NR2C1: variants seen among roughly 807,000 people sequenced by gnomAD.
NR2C1 encodes TR2 nuclear hormone receptor.
In NR2C1, 33 loss-of-function variants were observed where a neutral mutation model predicts 74.8. The observed-to-expected ratio is 0.44, with a 90% CI of 0.33 to 0.59. The LOEUF is 0.59. NR2C1 is among the 20% of genes least tolerant of loss of function. The pLI is 0.02. For missense variants in NR2C1, 568 were observed against 715.6 expected (o/e 0.79, Z 2.35); for synonymous variants, 225 against 240.6 (o/e 0.94, Z 0.60).
Position 95,062,490 on chromosome 12 carries a change from A to G in NR2C1, c.285+18T>C. Reference sequence around the variant, plus strand: ...TTTTATATATGTAAGAGGAAAAGACACTTCTATAGTTATTTACCTGCAGGT... The same window carrying G: ...TTTTATATATGTAAGAGGAAAAGACGCTTCTATAGTTATTTACCTGCAGGT... On this transcript the variant is annotated intron_variant, in intron 3 of 13. Transcript: ENST00000333003. 1 of 1,524,608 alleles carries G rather than the reference A, an allele frequency of 6.6e-7. No individual in the cohort carries two copies. The highest frequency in any genetic ancestry group is 2.4e-5 in the East Asian group (1 of 42,446). The allele number at this position is 1,524,608 out of a possible 1,614,324, so 94.4% of individuals were successfully genotyped here.
Position 95,026,899 on chromosome 12 carries a change from A to G in NR2C1, c.1531+1488T>C, listed in dbSNP as rs183593874. 14 of 152,232 alleles carry G rather than the reference A, an allele frequency of 9.2e-5. No individual in the cohort carries two copies. The East Asian group carries it at 2.5e-3, about 27-fold the overall frequency. 9.4% of individuals were successfully genotyped at this position (152,232 alleles called of 1,614,324 possible). On this transcript the variant is annotated intron_variant, in intron 12 of 13. Coordinates refer to ENST00000333003, the MANE Select transcript of NR2C1 (RefSeq NM_003297.4). The stretch of plus-strand genomic sequence containing the variant: ...AGGAAAACAAGAAACCAGTTTTTTA[A>G]ATTTGTTGGTAACTCATATAAGATG...
chr12:95,052,060 T>C (rs972671328), intron 7 of NR2C1, 117 bp from the exon 8 acceptor site: 3 of 616,112 alleles, frequency 4.9e-6, no homozygotes, highest in Non-Finnish European at 5.1e-6. Context: ...AAATGAAACC[T>C]GGAAAGTTAA....
At chr12:95,068,687 A>G (rs1876106446) in intron 1 of NR2C1, among the ~76,000 whole-genome samples, 1 of 152,008 alleles carries the variant, frequency 6.6e-6, no homozygotes, top group African/African-American at 2.4e-5. Flanking sequence ...CCAGCTACTC[A>G]GGAGGCTGAG....
intron 12 of NR2C1, among the ~76,000 whole-genome samples, chr12:95,026,004 A>C (rs190675532): frequency 1.2e-3 from 188 of 151,884 alleles, no homozygotes; most frequent in African/African-American, 4.2e-3. Context: ...TCAGGGGTTC[A>C]AGACCAGCCT....
intron 7 of NR2C1, among the ~76,000 whole-genome samples, chr12:95,052,454 G>A (rs576878974): frequency 2.0e-5 from 3 of 152,160 alleles, no homozygotes; most frequent in Non-Finnish European, 4.4e-5. Context: ...GCGCCCGGCC[G>A]TATATGTTAC....
intron 13 of NR2C1, among the ~76,000 whole-genome samples, chr12:95,023,654 C>T (rs954964399): frequency 6.6e-6 from 1 of 152,174 alleles, no homozygotes; most frequent in Non-Finnish European, 1.5e-5. Context: ...GAAATGATCC[C>T]TGCCAATTTC....
intron 1 of NR2C1, chr12:95,072,868 T>C (rs1344684446): frequency 6.6e-6 from 1 of 152,248 alleles, no homozygotes; most frequent in Non-Finnish European, 1.5e-5. Flanking sequence ...GGGGGAGTCA[T>C]TCTGTCCGTC....
At chr12:95,025,977 TG>T (rs776562899) in intron 12 of NR2C1, among the ~76,000 whole-genome samples, 7 of 151,042 alleles carry the variant, frequency 4.6e-5, no homozygotes, top group African/African-American at 7.3e-5. Flanking sequence ...GAGGCCGAGG[TG>T]GGGGGGATCA....
Position 95,070,013 on chromosome 12 carries a change from C to T in NR2C1, c.-7-2622G>A, listed in dbSNP as rs73221771. 6.0e-3 allele frequency among the ~76,000 whole-genome samples: 921 copies of T among 152,336 alleles called. 8 individuals are homozygous for T. Among genetic ancestry groups the T allele is most frequent in the Middle Eastern group, 0.01 (3 of 294 alleles). On this transcript the variant is annotated intron_variant, in intron 1 of 13. Transcript: ENST00000333003. ...AGGTAAGTAATGGTGTAAGTTAAGGCTGCTCTGATAGCAGTGTCTGTTTTC... is the reference window on the plus strand; with the variant it reads ...AGGTAAGTAATGGTGTAAGTTAAGGTTGCTCTGATAGCAGTGTCTGTTTTC...
intron 2 of NR2C1, among the ~76,000 whole-genome samples, chr12:95,064,565 G>T (rs947058023): frequency 1.3e-5 from 2 of 152,054 alleles, no homozygotes; most frequent in Non-Finnish European, 2.9e-5. Context: ...GACTGAAGGG[G>T]AATATGAAGA....
chr12:95,060,004 A>AG lies in NR2C1; in HGVS notation c.286-21_286-20insC, dbSNP rs758510213. ...TAGGAGCTAAAAAAAAAAAAAAAAA[A>AG]AAAGAAAACAAAAACGAAAACCTGT... is the stretch of plus-strand genomic sequence containing the variant. On this transcript the variant is annotated intron_variant, in intron 3 of 13. Coordinates refer to ENST00000333003, the MANE Select transcript of NR2C1 (RefSeq NM_003297.4). The AG allele has an allele frequency of 1.4e-5, 21 of 1,527,396 alleles. No individual in the cohort carries two copies. The African/African-American group carries it at 2.5e-4, about 18-fold the overall frequency. 94.6% of individuals were successfully genotyped at this position (1,527,396 alleles called of 1,614,324 possible).
chr12:95,070,119 G>GT (rs1042885692), intron 1 of NR2C1, among the ~76,000 whole-genome samples: 17 of 148,180 alleles, frequency 1.1e-4, no homozygotes, highest in African/African-American at 3.9e-4. Flanking sequence ...AAATTTACAA[G>GT]TTTTTTTTGT....
chr12:95,052,377 A>G (rs1238083365), intron 7 of NR2C1, among the ~76,000 whole-genome samples: 1 of 152,092 alleles, frequency 6.6e-6, no homozygotes, highest in Non-Finnish European at 1.5e-5. Context: ...GATGGTCTTG[A>G]TCTCCTGACC....
chr12:95,022,040 A>C lies in NR2C1; in HGVS notation c.*189T>G. On this transcript the variant is annotated 3_prime_UTR_variant, in exon 14 of 14. Transcript: ENST00000333003. ...TCATTTAAAGGAATCAGGAAGAAAA[A>C]TTCATTTAATTTCTGCTGCCTGCCC... is the stretch of plus-strand genomic sequence containing the variant. 2.2e-6 allele frequency: 1 copy of C among 454,762 alleles called. No individual in the cohort carries two copies. Among genetic ancestry groups the C allele is most frequent in the Non-Finnish European group, 3.8e-6 (1 of 262,614 alleles). 28.2% of individuals were successfully genotyped at this position (454,762 alleles called of 1,614,324 possible).
chr12:95,059,985 CTAAA>C lies in NR2C1; in HGVS notation c.286-5_286-2del. The C allele has an allele frequency of 2.0e-6, 2 of 985,206 alleles. No homozygotes were observed. The highest frequency in any genetic ancestry group is 2.7e-6 in the Non-Finnish European group (2 of 729,080). 61.0% of individuals were successfully genotyped at this position (985,206 alleles called of 1,614,324 possible). On this transcript the variant is annotated splice_acceptor_variant and splice_polypyrimidine_tract_variant and intron_variant, in intron 3 of 13. Coordinates refer to ENST00000333003, the MANE Select transcript of NR2C1 (RefSeq NM_003297.4). LOFTEE classifies it high-confidence loss of function. ...GGTCTGGAGAATTATCTGTTAGGAG[CTAAA>C]AAAAAAAAAAAAAAAAAAGAAAACA... is the stretch of plus-strand genomic sequence containing the variant.
intron 7 of NR2C1, among the ~76,000 whole-genome samples, chr12:95,053,590 A>G (rs574320417): frequency 6.6e-6 from 1 of 151,764 alleles, no homozygotes; most frequent in Admixed American, 6.6e-5. Context: ...CCTAATGAGA[A>G]GCCTTTTAAG....
chr12:95,056,733 T>C (rs1040378580), intron 7 of NR2C1, among the ~76,000 whole-genome samples: 3 of 151,954 alleles, frequency 2.0e-5, no homozygotes, highest in Non-Finnish European at 2.9e-5. Context: ...CCAAGGCGGG[T>C]GGATCACGAG....
At chr12:95,027,083 C>T (rs144021662) in intron 12 of NR2C1, among the ~76,000 whole-genome samples, 251 of 152,240 alleles carry the variant, frequency 1.6e-3, no homozygotes, top group Non-Finnish European at 2.3e-3. Context: ...GAGACAGGGT[C>T]TCCCTCTGTC....
chr12:95,071,258 G>A (rs1876554916), intron 1 of NR2C1, among the ~76,000 whole-genome samples: 1 of 151,886 alleles, frequency 6.6e-6, no homozygotes, highest in Non-Finnish European at 1.5e-5. Context: ...CTTTCTTGAA[G>A]GGTCGAACAA....
Sources: gnomAD v4.1 joint callset for allele counts (sites outside exome capture counted in the v4.1 genomes callset) on GRCh38, gnomAD v4.1.1 for gene constraint, MANE v1.5 for transcripts, NCBI Gene and HGNC (gene_info 2026-07-23, HGNC 2026-07-21) for gene names.